Variants in GLIS3 observed in about 807,000 individuals in gnomAD.
GLIS3 encodes the protein GLIS family zinc finger 3, also known as zinc finger protein GLIS3.
Under a neutral mutation model 78.6 loss-of-function variants are expected in GLIS3, and 53 were observed. That is an observed-to-expected ratio of 0.67 (90% CI 0.54 to 0.85). The LOEUF (loss-of-function observed/expected upper bound fraction) is 0.85, where lower values mean the gene tolerates loss of function less well. Ranked by LOEUF, GLIS3 falls within the 40% of genes least tolerant of loss-of-function variation. The probability of loss-of-function intolerance (pLI) is 0.00; values close to 1 mark genes in which losing one functional copy is unlikely to be tolerated. For synonymous variants in GLIS3, 684 were observed against 509.9 expected (o/e 1.34, Z -4.60); for missense variants, 1,703 against 1,231.1 (o/e 1.38, Z -5.74).
At chr9:3,842,467 G>A (rs1421584284) in intron 9 of GLIS3, among the ~76,000 whole-genome samples, 1 of 152,150 alleles carries the variant, frequency 6.6e-6, no homozygotes, top group Admixed American at 6.5e-5. Flanking sequence ...GCAAGACTCT[G>A]TCTCAAAAAG....
the GLIS3 span, among the ~76,000 whole-genome samples, chr9:4,404,642 G>C: frequency 2.6e-5 from 4 of 152,062 alleles, no homozygotes; most frequent in African/African-American, 4.8e-5. Context: ...AAGAAATTAA[G>C]AAGAAAACTG....
At chr9:4,249,822 G>A (rs1178334508) in intron 2 of GLIS3, among the ~76,000 whole-genome samples, 2 of 152,144 alleles carry the variant, frequency 1.3e-5, no homozygotes, top group Admixed American at 6.5e-5. Context: ...AGAGTTTTTA[G>A]CATGAAGCTG....
intron 6 of GLIS3, among the ~76,000 whole-genome samples, chr9:3,921,426 G>A (rs11999130): frequency 0.017 from 2,642 of 152,238 alleles, 79 homozygotes; most frequent in African/African-American, 0.057. Context: ...CAGAGTCAGA[G>A]CTAAGATTCA....
At chr9:4,318,899 A>G (rs1817478624) in intron 2 of GLIS3, among the ~76,000 whole-genome samples, 1 of 152,218 alleles carries the variant, frequency 6.6e-6, no homozygotes, top group South Asian at 2.1e-4. Flanking sequence ...GGTTCATCAA[A>G]GTGACATCAT....
the GLIS3 span, among the ~76,000 whole-genome samples, chr9:4,472,022 G>A: frequency 6.6e-6 from 1 of 152,194 alleles, no homozygotes; most frequent in East Asian, 1.9e-4. Context: ...ATCATCACTG[G>A]TCATCAGAGA....
At chr9:4,337,019 A>AT (rs143225377) in intron 2 of GLIS3, among the ~76,000 whole-genome samples, 1 of 152,350 alleles carries the variant, frequency 6.6e-6, no homozygotes, top group African/African-American at 2.4e-5. Flanking sequence ...TTACTAGTAA[A>AT]TGTTTTTAAA....
the GLIS3 span, among the ~76,000 whole-genome samples, chr9:4,446,501 C>T: frequency 3.6e-3 from 535 of 147,760 alleles, 2 homozygotes; most frequent in African/African-American, 0.013. Context: ...GGAAAATATC[C>T]AAATTTTTTT....
At chr9:4,296,710 G>T (rs1004306292) in intron 1 of GLIS3, among the ~76,000 whole-genome samples, 1 of 151,818 alleles carries the variant, frequency 6.6e-6, no homozygotes, top group African/African-American at 2.4e-5. Flanking sequence ...GAGTCTTCTG[G>T]GCAAGAAAAG....
chr9:4,450,550 A>T, the GLIS3 span, among the ~76,000 whole-genome samples: 1 of 152,214 alleles, frequency 6.6e-6, no homozygotes, highest in East Asian at 1.9e-4. Flanking sequence ...TAATTGTCAG[A>T]TTCACCAAGG....
At chr9:4,231,193 A>C (rs576019479) in intron 2 of GLIS3, among the ~76,000 whole-genome samples, 3 of 152,234 alleles carry the variant, frequency 2.0e-5, no homozygotes, top group Admixed American at 6.5e-5. Flanking sequence ...GGTAGATATA[A>C]AAAACAATTA....
At chr9:4,093,099 G>T (rs939971959) in intron 4 of GLIS3, among the ~76,000 whole-genome samples, 2 of 152,112 alleles carry the variant, frequency 1.3e-5, no homozygotes, top group African/African-American at 2.4e-5. Flanking sequence ...GCACATGCCT[G>T]CATGTATATT....
At chr9:4,354,911 T>A in the GLIS3 span, among the ~76,000 whole-genome samples, 2 of 151,888 alleles carry the variant, frequency 1.3e-5, no homozygotes, top group Non-Finnish European at 2.9e-5. Flanking sequence ...GGTCAGGAGA[T>A]CGAGACCATC....
At chr9:3,860,358 T>G (rs1820122255) in intron 8 of GLIS3, among the ~76,000 whole-genome samples, 1 of 147,006 alleles carries the variant, frequency 6.8e-6, no homozygotes, top group Admixed American at 6.8e-5. Context: ...TATCTCCACC[T>G]ATCTTAAAGA....
chr9:3,941,508 A>G (rs1255322192), intron 4 of GLIS3, among the ~76,000 whole-genome samples: 2 of 152,104 alleles, frequency 1.3e-5, no homozygotes, highest in Non-Finnish European at 2.9e-5. Flanking sequence ...CTGGTTCTGA[A>G]ACAGGTGTGC....
chr9:4,375,895 G>C, the GLIS3 span, among the ~76,000 whole-genome samples: 2 of 152,220 alleles, frequency 1.3e-5, no homozygotes, highest in East Asian at 1.9e-4. Flanking sequence ...AAGATCACAA[G>C]AGCAGGCATT....
chr9:3,851,948 G>A (rs1819460546), intron 9 of GLIS3, among the ~76,000 whole-genome samples: 1 of 152,274 alleles, frequency 6.6e-6, no homozygotes, highest in South Asian at 2.1e-4. Context: ...TTTGAGATCA[G>A]TCTAGCCAAC....
At chr9:4,251,745 G>T (rs1240371253) in intron 2 of GLIS3, among the ~76,000 whole-genome samples, 1 of 152,124 alleles carries the variant, frequency 6.6e-6, no homozygotes, top group Non-Finnish European at 1.5e-5. Context: ...GCTGGTACCA[G>T]TTTTTCCTTT....
intron 2 of GLIS3, among the ~76,000 whole-genome samples, chr9:4,202,992 G>A (rs1586964492): frequency 6.6e-6 from 1 of 152,142 alleles, no homozygotes. Context: ...TTAAACTAAA[G>A]AACTTCTATA....
At chr9:4,151,786 G>A (rs1458877899) in intron 2 of GLIS3, among the ~76,000 whole-genome samples, 1 of 152,136 alleles carries the variant, frequency 6.6e-6, no homozygotes, top group African/African-American at 2.4e-5. Context: ...GCCTGGTAAT[G>A]AAGCATAATA....
Sources: gnomAD v4.1 joint callset for allele counts (sites outside exome capture counted in the v4.1 genomes callset) on GRCh38, gnomAD v4.1.1 for gene constraint, MANE v1.5 for transcripts, NCBI Gene and HGNC (gene_info 2026-07-23, HGNC 2026-07-21) for gene names.